The following SOX5 variants were observed in gnomAD, a reference collection of about 807,000 sequenced individuals.
SOX5 encodes transcription factor SOX-5.
SOX5 carries 9 observed loss-of-function variants against 92.0 expected under a neutral mutation model. The ratio of observed to expected loss-of-function variants is 0.10; its 90% CI spans 0.06 to 0.17. The LOEUF (loss-of-function observed/expected upper bound fraction) is 0.17. Ranked by LOEUF, SOX5 falls within the 10% of genes least tolerant of loss-of-function variation. The pLI is 1.00. For synonymous variants in SOX5, 344 were observed against 336.3 expected (o/e 1.02, Z -0.25); for missense variants, 642 against 944.5 (o/e 0.68, Z 4.20).
intron 4 of SOX5, among the ~76,000 whole-genome samples, chr12:24,194,345 T>C (rs551652972): frequency 4.6e-5 from 7 of 152,188 alleles, no homozygotes; most frequent in Non-Finnish European, 1.0e-4. Flanking sequence ...AGCTAACATA[T>C]AATAAATATG....
intron 1 of SOX5, among the ~76,000 whole-genome samples, chr12:23,917,263 G>C (rs922551792): frequency 2.6e-5 from 4 of 152,080 alleles, no homozygotes; most frequent in Admixed American, 1.3e-4. Context: ...ACTTCTGGCC[G>C]GGCGCAGTGG....
chr12:23,821,072 C>T (rs1201285041), intron 3 of SOX5, among the ~76,000 whole-genome samples: 4 of 152,188 alleles, frequency 2.6e-5, no homozygotes, highest in East Asian at 3.9e-4. Flanking sequence ...AATGTTTTGC[C>T]ATTTGTTTGT....
At chr12:24,522,148 A>C (rs1950317463) in intron 1 of SOX5, among the ~76,000 whole-genome samples, 1 of 151,996 alleles carries the variant, frequency 6.6e-6, no homozygotes, top group Non-Finnish European at 1.5e-5. Context: ...TGAACAATTA[A>C]ATGCCAACAA....
In SOX5 at chr12:24,121,472, C is replaced by T. The variant is rs546582201; in HGVS notation, c.-2+91871G>A. ...ACAGGAACAAATATCAAATTTATGA[C>T]GAAGCATGGGTGGAACAATGGTGAA... On this transcript the variant is annotated intron_variant, in intron 4 of 4. Transcript: ENST00000446891. Among the ~76,000 whole-genome samples, 143 of 150,914 alleles carry T rather than the reference C, an allele frequency of 9.5e-4. 1 individual carries two copies. The highest frequency in any genetic ancestry group is 3.2e-3 in the African/African-American group (132 of 41,044).
intron 4 of SOX5, among the ~76,000 whole-genome samples, chr12:23,747,279 C>T (rs2094018538): frequency 6.6e-6 from 1 of 152,104 alleles, no homozygotes; most frequent in African/African-American, 2.4e-5. Context: ...CATCTCTTGC[C>T]TTTACTACAA....
At chr12:24,506,365 T>C (rs181702330) in intron 1 of SOX5, among the ~76,000 whole-genome samples, 299 of 145,554 alleles carry the variant, frequency 2.1e-3, no homozygotes, top group African/African-American at 7.3e-3. Flanking sequence ...TTTGAAACAT[T>C]CGAAAATGAA....
At chr12:23,935,307 T>C (rs1482682153) in intron 1 of SOX5, among the ~76,000 whole-genome samples, 5 of 151,248 alleles carry the variant, frequency 3.3e-5, no homozygotes, top group Non-Finnish European at 7.4e-5. Context: ...AATTATACCA[T>C]TATTTACCAA....
At chr12:23,941,565 G>C (rs1943646797) in intron 1 of SOX5, among the ~76,000 whole-genome samples, 1 of 151,448 alleles carries the variant, frequency 6.6e-6, no homozygotes, top group Non-Finnish European at 1.5e-5. Flanking sequence ...CTCAGGAATA[G>C]CATTCATAGT....
intron 9 of SOX5, chr12:23,584,672 G>A: frequency 7.8e-7 from 1 of 1,286,110 alleles, no homozygotes. Context: ...TTTATATTTG[G>A]GAGATGAGTG....
At chr12:24,140,242 G>T (rs1950461157) in intron 4 of SOX5, among the ~76,000 whole-genome samples, 3 of 152,234 alleles carry the variant, frequency 2.0e-5, no homozygotes, top group South Asian at 4.2e-4. Context: ...AGCTATGGGG[G>T]TAAGGGAGGG....
At position 24,263,667 on chromosome 12, in the gene SOX5, TA is replaced by T. The variant is rs1942588661; in HGVS notation, c.-77+13548del. On this transcript the variant is annotated intron_variant, in intron 3 of 4. Coordinates refer to the SOX5 transcript ENST00000446891. The stretch of plus-strand genomic sequence containing the variant: ...AGATAACCTAAGCATATCGTTAAAA[TA>T]AAAAAATAGATTAAAATCTTAGGTA... Among the ~76,000 whole-genome samples, 6 of 151,698 alleles carry T rather than the reference TA, an allele frequency of 4.0e-5. No homozygotes were observed. The South Asian group carries it at 1.0e-3, about 26-fold the overall frequency.
rs951576984 is a variant in SOX5, at chr12:23,572,689, A to T, written c.1342+2972T>A. Among the ~76,000 whole-genome samples, 5 of 152,194 alleles carry T rather than the reference A, an allele frequency of 3.3e-5. No homozygotes were observed. The East Asian group carries it at 9.6e-4, about 29-fold the overall frequency. The stretch of plus-strand genomic sequence containing the variant: ...CTAACACTATGACATTTATAAGCCT[A>T]CATGTATATTATGATAGTGAATGAT... On this transcript the variant is annotated intron_variant, in intron 10 of 14. Transcript: ENST00000451604.
intron 2 of SOX5, among the ~76,000 whole-genome samples, chr12:24,363,035 T>C (rs564662504): frequency 6.6e-6 from 1 of 152,132 alleles, no homozygotes; most frequent in African/African-American, 2.4e-5. Flanking sequence ...TTACACACTA[T>C]ATAAAAATAT....
chr12:24,076,669 T>C (rs931824393), intron 4 of SOX5, among the ~76,000 whole-genome samples: 1 of 150,672 alleles, frequency 6.6e-6, no homozygotes, highest in Non-Finnish European at 1.5e-5. Flanking sequence ...ATAGGACCAA[T>C]GTGAAATACT....
chr12:23,995,538 A>T (rs748786216), intron 4 of SOX5, among the ~76,000 whole-genome samples: 4 of 152,118 alleles, frequency 2.6e-5, no homozygotes, highest in Non-Finnish European at 5.9e-5. Flanking sequence ...TCTACAAAAA[A>T]ACTTTTAAAA....
At chr12:23,573,356 A>G (rs1948659899) in intron 10 of SOX5, among the ~76,000 whole-genome samples, 1 of 152,132 alleles carries the variant, frequency 6.6e-6, no homozygotes, top group Admixed American at 6.5e-5. Flanking sequence ...CATTCATTAA[A>G]ACTTCTCTGT....
intron 4 of SOX5, among the ~76,000 whole-genome samples, chr12:24,042,137 G>T (rs757404745): frequency 4.6e-5 from 7 of 152,102 alleles, no homozygotes; most frequent in Non-Finnish European, 1.0e-4. Flanking sequence ...GTGAAGAAAA[G>T]TTAGTGCAGA....
chr12:24,300,661 C>CA (rs111347900), intron 2 of SOX5, among the ~76,000 whole-genome samples: 4,130 of 152,100 alleles, frequency 0.027, 134 homozygotes, highest in African/African-American at 0.081. Flanking sequence ...ATAGTTTTTC[C>CA]AAAACTATAA....
intron 4 of SOX5, among the ~76,000 whole-genome samples, chr12:24,043,030 G>A (rs928558347): frequency 2.0e-5 from 3 of 152,038 alleles, no homozygotes; most frequent in Admixed American, 6.6e-5. Flanking sequence ...CTAATGTTGG[G>A]GCATATAAAA....
Sources: gnomAD v4.1 joint callset for allele counts (sites outside exome capture counted in the v4.1 genomes callset) on GRCh38, gnomAD v4.1.1 for gene constraint, MANE v1.5 for transcripts, NCBI Gene and HGNC (gene_info 2026-07-23, HGNC 2026-07-21) for gene names.